Variants in EXOSC8 observed in about 807,000 individuals in gnomAD.
The protein encoded by EXOSC8 is exosome complex component RRP43.
In EXOSC8, 37 loss-of-function variants were observed where a neutral mutation model predicts 39.9. That is an observed-to-expected ratio of 0.93 (90% CI 0.71 to 1.22). EXOSC8 has a LOEUF of 1.22. Ranked by LOEUF, EXOSC8 falls within the 50% of genes most tolerant of loss-of-function variation. The probability of loss-of-function intolerance (pLI) is 0.00; values close to 1 mark genes in which losing one functional copy is unlikely to be tolerated. For missense variants in EXOSC8, 313 were observed against 326.6 expected (o/e 0.96, Z 0.32); for synonymous variants, 93 against 109.5 (o/e 0.85, Z 0.94).
At chr13:37,006,074 T>A in intron 6 of EXOSC8, 41 bp from the exon 7 acceptor site, 1 of 1,589,978 alleles carries the variant, frequency 6.3e-7, no homozygotes, top group East Asian at 2.2e-5. Context: ...TCAGATAGTT[T>A]TGGGCTTTTC....
At chr13:37,002,885 T>A in intron 3 of EXOSC8, 49 bp from the exon 4 acceptor site, 1 of 1,217,776 alleles carries the variant, frequency 8.2e-7, no homozygotes, top group Non-Finnish European at 1.2e-6. Context: ...GTGGATAATT[T>A]TGTAGCTGTT....
At position 37,008,038 on chromosome 13, in the gene EXOSC8, C is replaced by T. The variant is rs142300123; in HGVS notation, c.488-19C>T. On this transcript the variant is annotated intron_variant, in intron 8 of 10. Transcript: ENST00000389704. ...GTTTCTTAGAGACTTACTTACTTTA[C>T]AAATTTGCCTTTTCTTAGTACAGTT... 6 of 1,538,094 alleles carry T rather than the reference C, an allele frequency of 3.9e-6. No homozygotes were observed. The Admixed American group carries it at 1.1e-4, about 29-fold the overall frequency.
intron 9 of EXOSC8, 73 bp downstream of exon 9, chr13:37,008,250 CTT>C (rs2059164916): frequency 8.0e-7 from 1 of 1,256,048 alleles, no homozygotes; most frequent in Non-Finnish European, 1.1e-6. Context: ...CATTCTAACT[CTT>C]TAGGAAGTGC....
Position 37,002,801 on chromosome 13 carries a change from TATTC to T in EXOSC8, c.119-130_119-127del, listed in dbSNP as rs1007266155. 4.3e-6 allele frequency: 3 copies of T among 693,694 alleles called. No individual in the cohort carries two copies. The Admixed American group carries it at 8.3e-5, about 19-fold the overall frequency. The allele number at this position is 693,694 out of a possible 1,614,324, so 43.0% of individuals were successfully genotyped here. ...AAAAATCAATTATTCTAACTTGAAATATTCATAAGCAACTGAGAGGGGTAGCAAG... is the reference window on the plus strand; with the variant it reads ...AAAAATCAATTATTCTAACTTGAAATATAAGCAACTGAGAGGGGTAGCAAG... On this transcript the variant is annotated intron_variant, in intron 3 of 10. Transcript: ENST00000389704.
rs2059162844 is a variant in EXOSC8 at position 37,008,167 on chromosome 13, G to C, written c.598G>C (p.Val200Leu). ...RTHPVATSFA[V>L]FDDTLLIVDP... Reference sequence around the variant, plus strand: ...TCATCCAGTTGCAACTTCCTTTGCTGTGTTTGATGAGTAAGTTAATCAAAC... The same window carrying C: ...TCATCCAGTTGCAACTTCCTTTGCTCTGTTTGATGAGTAAGTTAATCAAAC... The change falls in exon 9 of 11, where the codon GTG becomes CTG. Residue 200 changes from valine (V) to leucine (L), a missense_variant. Coordinates refer to ENST00000389704, the MANE Select transcript of EXOSC8 (RefSeq NM_181503.3). The C allele has an allele frequency of 6.3e-7, 1 of 1,596,238 alleles. No individual in the cohort carries two copies. Among genetic ancestry groups the C allele is most frequent in the Non-Finnish European group, 8.5e-7 (1 of 1,173,030 alleles).
chr13:37,007,171 A>G, intron 8 of EXOSC8, 100 bp downstream of exon 8: 1 of 753,078 alleles, frequency 1.3e-6, no homozygotes, highest in South Asian at 1.5e-5. Flanking sequence ...CTTCCAAATT[A>G]ATGAATGTAA....
Position 37,003,146 on chromosome 13 carries a change from A to T in EXOSC8, c.192+139A>T, listed in dbSNP as rs2059117422. 4 of 599,354 alleles carry T rather than the reference A, an allele frequency of 6.7e-6. No homozygotes were observed. In the South Asian group the frequency reaches 8.8e-5, roughly 13 times the overall value. The allele number at this position is 599,354 out of a possible 1,614,324, so 37.1% of individuals were successfully genotyped here. On this transcript the variant is annotated intron_variant, in intron 4 of 10. Coordinates refer to ENST00000389704, the MANE Select transcript of EXOSC8 (RefSeq NM_181503.3). ...AATGTTTAATTTCCCAAGAGCTTTC[A>T]CTATGAGTGTTAGATAATATGACCC... is the stretch of plus-strand genomic sequence containing the variant.
rs530001922 is a variant in EXOSC8, at chr13:37,005,720, C to T, written c.239-200C>T. ...GTCTACTAAAATACAAAAAATTAGC[C>T]GGGCGTGGTGGCGTGTGCCTGTAAT... On this transcript the variant is annotated intron_variant, in intron 5 of 10. Transcript: ENST00000389704. Among the ~76,000 whole-genome samples the T allele has an allele frequency of 6.6e-5, 10 of 151,888 alleles. No individual in the cohort carries two copies. In the South Asian group the frequency reaches 1.0e-3, roughly 16 times the overall value.
rs143790955 is a variant in EXOSC8, at chr13:37,006,590, A to G, written c.391-385A>G. Among the ~76,000 whole-genome samples the G allele has an allele frequency of 5.7e-3, 875 of 152,330 alleles. 6 individuals carry two copies. Among genetic ancestry groups the G allele is most frequent in the Middle Eastern group, 0.027 (8 of 294 alleles). On this transcript the variant is annotated intron_variant, in intron 7 of 10. Transcript: ENST00000389704. ...CCTACTAGATCATATAAACTGATAC[A>G]TTAGCACTGTAAAACTTAAACATTT...
Position 37,008,280 on chromosome 13 carries a change from C to G in EXOSC8, c.608+103C>G. The G allele has an allele frequency of 4.3e-6, 4 of 919,574 alleles. No individual in the cohort carries two copies. In the South Asian group the frequency reaches 4.4e-5, roughly 10 times the overall value. 57.0% of individuals were successfully genotyped at this position (919,574 alleles called of 1,614,324 possible). A position where few individuals can be genotyped will look rare whatever the true frequency, so the allele number is the denominator to read the frequency against. ...GGAAGTGCTATGGTGACCCTACATC[C>G]TAGTTTTCCCTGGACACTTGAGTTT... On this transcript the variant is annotated intron_variant, in intron 9 of 10. Coordinates refer to ENST00000389704, the MANE Select transcript of EXOSC8 (RefSeq NM_181503.3).
intron 9 of EXOSC8, among the ~76,000 whole-genome samples, chr13:37,008,436 T>C (rs1461154472): frequency 1.3e-5 from 2 of 152,228 alleles, no homozygotes; most frequent in African/African-American, 4.8e-5. Context: ...CTTCAATATT[T>C]TCCAAGGATT....
Position 37,009,337 on chromosome 13 carries a change from G to A in EXOSC8, c.*38G>A. 1 of 1,225,514 alleles carries A rather than the reference G, an allele frequency of 8.2e-7. No individual in the cohort carries two copies. The allele number at this position is 1,225,514 out of a possible 1,614,324, so 75.9% of individuals were successfully genotyped here. On this transcript the variant is annotated 3_prime_UTR_variant, in exon 11 of 11. Coordinates refer to ENST00000389704, the MANE Select transcript of EXOSC8 (RefSeq NM_181503.3). ...TTTTCAAAACAGATTTGTAAAAATT[G>A]TATTTGTTAACACTGTGCACAAACG...
intron 9 of EXOSC8, 73 bp from the exon 10 acceptor site, chr13:37,008,656 T>C: frequency 1.1e-6 from 1 of 915,126 alleles, no homozygotes; most frequent in Non-Finnish European, 1.7e-6. Flanking sequence ...CTTGGGAGGC[T>C]GATAGTATGT....
rs2059093875 is a variant in EXOSC8, at chr13:37,000,825, G to T, written c.17+3G>T. On this transcript the variant is annotated splice_donor_region_variant and intron_variant, in intron 1 of 10. Coordinates refer to ENST00000389704, the MANE Select transcript of EXOSC8 (RefSeq NM_181503.3). ...GGGAAGATGGCGGCTGGGTTCAAGT[G>T]AGTGTTGGCGGGTGGCGGGTAGAGT... The T allele has an allele frequency of 1.3e-6, 2 of 1,576,246 alleles. No homozygotes were observed. Among genetic ancestry groups the T allele is most frequent in the Non-Finnish European group, 8.6e-7 (1 of 1,161,450 alleles).
At chr13:37,007,216 G>A (rs1470944980) in intron 8 of EXOSC8, 145 bp downstream of exon 8, 4 of 664,210 alleles carry the variant, frequency 6.0e-6, no homozygotes, top group African/African-American at 1.8e-5. Flanking sequence ...GTTGATAGTT[G>A]TATATTCTCT....
At chr13:37,002,417 G>A in intron 2 of EXOSC8, 71 bp from the exon 3 acceptor site, 1 of 1,342,990 alleles carries the variant, frequency 7.4e-7, no homozygotes, top group Non-Finnish European at 1.1e-6. Flanking sequence ...TAATGTGTGT[G>A]TAAAACTTGT....
chr13:37,000,905 C>T, intron 1 of EXOSC8, 83 bp downstream of exon 1: 6 of 1,413,262 alleles, frequency 4.2e-6, no homozygotes, highest in Non-Finnish European at 5.6e-6. Flanking sequence ...ATTCTCTCAC[C>T]TGGAGGCCGA....
intron 3 of EXOSC8, 117 bp downstream of exon 3, chr13:37,002,668 C>G (rs2059114403): frequency 2.6e-6 from 2 of 772,566 alleles, no homozygotes; most frequent in African/African-American, 1.8e-5. Flanking sequence ...TTTTTTTTGT[C>G]AAGAGATTTT....
chr13:37,009,484 C>T lies in EXOSC8; in HGVS notation c.*185C>T. 1.2e-6 allele frequency: 1 copy of T among 840,142 alleles called. No homozygotes were observed. Among genetic ancestry groups the T allele is most frequent in the Non-Finnish European group, 1.9e-6 (1 of 539,042 alleles). 52.0% of individuals were successfully genotyped at this position (840,142 alleles called of 1,614,324 possible). On this transcript the variant is annotated 3_prime_UTR_variant, in exon 11 of 11. Transcript: ENST00000389704. ...TTTAAAAAGCAATGACTTAGGCAAA[C>T]CAACCCTAGTTTGTTAAACCATTTC...
Sources: gnomAD v4.1 joint callset for allele counts (sites outside exome capture counted in the v4.1 genomes callset) on GRCh38, gnomAD v4.1.1 for gene constraint, MANE v1.5 for transcripts, NCBI Gene and HGNC (gene_info 2026-07-23, HGNC 2026-07-21) for gene names.